Variants in TAOK1 observed in about 807,000 individuals in gnomAD.
TAOK1 encodes TAO kinase 1.
TAOK1 carries 21 observed loss-of-function variants against 138.3 expected under a neutral mutation model. The observed-to-expected ratio is 0.15, with a 90% CI of 0.11 to 0.22. The LOEUF (loss-of-function observed/expected upper bound fraction) is 0.22. Ranked by LOEUF, TAOK1 falls within the 10% of genes least tolerant of loss-of-function variation. The pLI, the probability that TAOK1 is intolerant of heterozygous loss-of-function variation, is 1.00. For synonymous variants in TAOK1, 361 were observed against 398.4 expected (o/e 0.91, Z 1.12); for missense variants, 651 against 1,227.7 (o/e 0.53, Z 7.02).
chr17:29,480,871 C>CAAAAAAA (rs398070899), intron 7 of TAOK1, among the ~76,000 whole-genome samples: 4 of 96,836 alleles, frequency 4.1e-5, no homozygotes, highest in Non-Finnish European at 1.9e-5. Context: ...CCCTGTCTCT[C>CAAAAAAA]AAAAAAAAAA....
rs1198558606 is a variant in TAOK1, at chr17:29,496,646, G to A, written c.999+919G>A. 2.1e-5 allele frequency among the ~76,000 whole-genome samples: 3 copies of A among 141,772 alleles called. No individual in the cohort carries two copies. In the East Asian group the frequency reaches 6.4e-4, roughly 30 times the overall value. 93.0% of individuals were successfully genotyped at this position (141,772 alleles called of 152,430 possible). Reference sequence around the variant, plus strand: ...TCTGTAGCCCAGTTTGGAGTACAGTGGCACGATCTCGGCTCACTGCAATCT... The same window carrying A: ...TCTGTAGCCCAGTTTGGAGTACAGTAGCACGATCTCGGCTCACTGCAATCT... On this transcript the variant is annotated intron_variant, in intron 11 of 19. Transcript: ENST00000261716.
intron 13 of TAOK1, among the ~76,000 whole-genome samples, chr17:29,506,665 GATTTA>G (rs1258948621): frequency 2.8e-5 from 2 of 70,836 alleles, no homozygotes; most frequent in African/African-American, 6.5e-5. Flanking sequence ...ATGTTAGATT[GATTTA>G]ATTTAATATG....
rs1468499387 is a variant in TAOK1 at position 29,390,850 on chromosome 17, C to T, written c.-269C>T. ...CCCCCCCCCCACCCCCCGCCGCCGCCGCCCCTTGTTGCAGAGCTTGGGCTG... is the reference window on the plus strand; with the variant it reads ...CCCCCCCCCCACCCCCCGCCGCCGCTGCCCCTTGTTGCAGAGCTTGGGCTG... On this transcript the variant is annotated 5_prime_UTR_variant, in exon 1 of 20. Coordinates refer to ENST00000261716, the MANE Select transcript of TAOK1 (RefSeq NM_020791.4). The T allele has an allele frequency of 6.6e-6, 1 of 152,110 alleles. No individual in the cohort carries two copies. Among genetic ancestry groups the T allele is most frequent in the African/African-American group, 2.4e-5 (1 of 41,460 alleles). The allele number at this position is 152,110 out of a possible 1,614,324, so 9.4% of individuals were successfully genotyped here.
chr17:29,502,830 G>C (rs768675674), intron 13 of TAOK1, 107 bp downstream of exon 13: 1 of 1,243,120 alleles, frequency 8.0e-7, no homozygotes, highest in African/African-American at 1.5e-5. Flanking sequence ...TTTATTTTAC[G>C]AAATACTCAT....
chr17:29,416,447 GACTTCTCAAAGAGAAGTCTTAGA>G (rs1461935573), intron 1 of TAOK1, among the ~76,000 whole-genome samples: 1 of 151,908 alleles, frequency 6.6e-6, no homozygotes, highest in African/African-American at 2.4e-5. Context: ...CTAGTCTTAA[GACTTCTCAAAGAGAAGTCTTAGA>G]GAAATTAATT....
intron 19 of TAOK1, among the ~76,000 whole-genome samples, chr17:29,539,968 G>A (rs1228837522): frequency 6.6e-6 from 1 of 152,198 alleles, no homozygotes; most frequent in Non-Finnish European, 1.5e-5. Context: ...TAGGAGTGAT[G>A]TACTCTATAG....
chr17:29,478,011 T>C (rs1414104009), intron 5 of TAOK1, among the ~76,000 whole-genome samples: 2 of 152,298 alleles, frequency 1.3e-5, no homozygotes, highest in Admixed American at 6.5e-5. Context: ...CTGTTACTAT[T>C]GTTTTTACAT....
chr17:29,478,839 G>A (rs950564335), intron 6 of TAOK1, among the ~76,000 whole-genome samples: 2 of 152,094 alleles, frequency 1.3e-5, no homozygotes, highest in African/African-American at 4.8e-5. Flanking sequence ...AGCTGCTTAA[G>A]GCCAGGCGAG....
chr17:29,494,310 A>C (rs1410201170), intron 10 of TAOK1, among the ~76,000 whole-genome samples: 1 of 151,952 alleles, frequency 6.6e-6, no homozygotes, highest in Non-Finnish European at 1.5e-5. Context: ...TGGGAGGGTC[A>C]CTTGAGGCCA....
chr17:29,481,694 T>C (rs1260358683), intron 7 of TAOK1, among the ~76,000 whole-genome samples: 1 of 150,508 alleles, frequency 6.6e-6, no homozygotes, highest in East Asian at 2.0e-4. Flanking sequence ...GTGCGGTGGA[T>C]CACGCCTGTA....
intron 1 of TAOK1, among the ~76,000 whole-genome samples, chr17:29,417,488 T>C (rs187521377): frequency 1.3e-5 from 2 of 152,316 alleles, no homozygotes; most frequent in Admixed American, 1.3e-4. Context: ...ACAGGCTCCA[T>C]TACAACACTT....
At chr17:29,418,885 G>A (rs991233489) in intron 1 of TAOK1, among the ~76,000 whole-genome samples, 3 of 146,890 alleles carry the variant, frequency 2.0e-5, no homozygotes, top group East Asian at 2.0e-4. Context: ...AGTTCTTCAC[G>A]TTTATTCTTT....
intron 1 of TAOK1, among the ~76,000 whole-genome samples, chr17:29,449,269 G>A (rs2030173528): frequency 6.6e-6 from 1 of 151,974 alleles, no homozygotes; most frequent in Non-Finnish European, 1.5e-5. Flanking sequence ...ACTTTGCTAT[G>A]GTCACATATT....
rs1434353452 is a variant in TAOK1, at chr17:29,549,440, G to A, written c.*6418G>A. On this transcript the variant is annotated 3_prime_UTR_variant, in exon 20 of 20. Coordinates refer to ENST00000261716, the MANE Select transcript of TAOK1 (RefSeq NM_020791.4). ...TGTGCTCTTTGCTTTTGCATGGCTT[G>A]GCTTAGTATCCAAGGTATATTAGGG... The A allele has an allele frequency of 2.0e-5, 3 of 152,160 alleles. No homozygotes were observed. Among genetic ancestry groups the A allele is most frequent in the Non-Finnish European group, 2.9e-5 (2 of 68,026 alleles). The allele number at this position is 152,160 out of a possible 1,614,324, so 9.4% of individuals were successfully genotyped here.
At chr17:29,477,173 AT>A (rs1371885504) in intron 4 of TAOK1, among the ~76,000 whole-genome samples, 2 of 152,000 alleles carry the variant, frequency 1.3e-5, no homozygotes, top group Non-Finnish European at 2.9e-5. Context: ...ATTATTTTTG[AT>A]ATATAGTTGG....
chr17:29,510,944 C>T lies in TAOK1; in HGVS notation c.1656C>T (p.Leu552=), dbSNP rs548664028. The change falls in exon 15 of 20, where the codon CTC becomes CTT. Residue 552 remains leucine (L), a synonymous_variant. Transcript: ENST00000261716. ...AGAAGAAAGAACTGAATAGTTTTCT[C>T]GAGTCCCAGAAAAGAGAGTATAAAC... The part of the protein sequence containing the change: ...AQQKKELNSF[L]ESQKREYKLR... 279 of 1,610,044 alleles carry T rather than the reference C, an allele frequency of 1.7e-4. No individual in the cohort carries two copies. In the South Asian group the frequency reaches 2.6e-3, roughly 15 times the overall value.
At chr17:29,459,949 G>A (rs1213024464) in intron 2 of TAOK1, among the ~76,000 whole-genome samples, 2 of 152,130 alleles carry the variant, frequency 1.3e-5, no homozygotes, top group Non-Finnish European at 2.9e-5. Context: ...ATATCCTTCT[G>A]TAAAGATGTG....
intron 3 of TAOK1, among the ~76,000 whole-genome samples, chr17:29,472,073 A>T (rs917571797): frequency 8.5e-5 from 13 of 152,056 alleles, no homozygotes; most frequent in African/African-American, 3.1e-4. Context: ...AACCCCCCAA[A>T]GTCATCCATG....
chr17:29,458,782 C>T (rs901986708), intron 2 of TAOK1, among the ~76,000 whole-genome samples: 18 of 152,208 alleles, frequency 1.2e-4, no homozygotes, highest in Non-Finnish European at 2.1e-4. Flanking sequence ...GCAACCTCTG[C>T]CTCCTGGGTT....
Sources: allele counts gnomAD v4.1 joint callset (sites outside exome capture counted in the v4.1 genomes callset), GRCh38; gene constraint gnomAD v4.1.1; transcripts MANE v1.5; gene names NCBI Gene and HGNC (gene_info 2026-07-23, HGNC 2026-07-21).